Variants in MGST1 observed in about 807,000 individuals in gnomAD.
MGST1 encodes microsomal glutathione S-transferase 1.
Under a neutral mutation model 8.9 loss-of-function variants are expected in MGST1, and 5 were observed. That is an observed-to-expected ratio of 0.56 (90% CI 0.29 to 1.19). The LOEUF is 1.19. Among genes scored for constraint, MGST1 ranks in the 50% most tolerant of loss-of-function variants. MGST1 has a pLI of 0.08. For missense variants in MGST1, 182 were observed against 187.4 expected (o/e 0.97, Z 0.17); for synonymous variants, 54 against 67.8 (o/e 0.80, Z 1.00).
intron 4 of MGST1, among the ~76,000 whole-genome samples, chr12:16,536,771 C>A (rs924142607): frequency 3.9e-5 from 6 of 152,210 alleles, no homozygotes; most frequent in African/African-American, 1.4e-4. Context: ...GACCTACTCA[C>A]TACCCTGGAA....
At chr12:16,474,297 T>C (rs1208903588) in intron 4 of MGST1, among the ~76,000 whole-genome samples, 1 of 152,236 alleles carries the variant, frequency 6.6e-6, no homozygotes, top group African/African-American at 2.4e-5. Flanking sequence ...TGTTTGCAGC[T>C]TCAGATGAAG....
At chr12:16,577,407 A>G (rs1432789979) in intron 4 of MGST1, among the ~76,000 whole-genome samples, 1 of 152,146 alleles carries the variant, frequency 6.6e-6, no homozygotes, top group Admixed American at 6.5e-5. Context: ...GTTGGCAGTT[A>G]TTCTTCATTA....
intron 4 of MGST1, among the ~76,000 whole-genome samples, chr12:16,476,910 C>T (rs1412723818): frequency 6.6e-6 from 1 of 152,152 alleles, no homozygotes; most frequent in Non-Finnish European, 1.5e-5. Context: ...AGATTTGGCC[C>T]TGAAGTCAGG....
At chr12:16,350,646 G>A (rs1190704999) in intron 1 of MGST1, 1 of 151,982 alleles carries the variant, frequency 6.6e-6, no homozygotes, top group African/African-American at 2.4e-5. Flanking sequence ...AATCAGCTTT[G>A]GGGGAAAAAA....
chr12:16,591,199 C>T (rs1943486392), downstream of MGST1, among the ~76,000 whole-genome samples: 1 of 151,982 alleles, frequency 6.6e-6, no homozygotes, highest in South Asian at 2.1e-4. This position sits in a 1 kb window ranked among gnomAD's most constrained non-coding sequence, Gnocchi z 4.1. Flanking sequence ...CTCTCCCACA[C>T]CCCAGCTGCA....
chr12:16,409,317 T>C (rs908583359), intron 1 of MGST1, among the ~76,000 whole-genome samples: 4 of 151,942 alleles, frequency 2.6e-5, no homozygotes, highest in East Asian at 1.9e-4. Flanking sequence ...CATACACACA[T>C]ATCCACACAC....
intron 4 of MGST1, among the ~76,000 whole-genome samples, chr12:16,588,966 A>C (rs1479518829): frequency 2.6e-5 from 4 of 152,046 alleles, no homozygotes; most frequent in Admixed American, 2.6e-4. Flanking sequence ...TGTCACCCCT[A>C]ACTATTTTAT....
At chr12:16,573,380 T>C (rs1023647193) in intron 4 of MGST1, 5 of 152,180 alleles carry the variant, frequency 3.3e-5, no homozygotes, top group Non-Finnish European at 5.9e-5. Flanking sequence ...TGATATTCAG[T>C]GGTAACCAGC....
At chr12:16,381,878 T>A (rs1414859798), downstream of MGST1, among the ~76,000 whole-genome samples, 1 of 152,200 alleles carries the variant, frequency 6.6e-6, no homozygotes, top group African/African-American at 2.4e-5. Context: ...TCGCTTCGTT[T>A]CATTCATTTC....
downstream of MGST1, among the ~76,000 whole-genome samples, chr12:16,368,144 G>A (rs555879463): frequency 1.4e-4 from 21 of 152,224 alleles, no homozygotes; most frequent in South Asian, 3.7e-3. Flanking sequence ...CCACCTTCCC[G>A]ATCTAACATT....
In MGST1 at chr12:16,576,301, T is replaced by A. The variant is rs1258958545; in HGVS notation, n.483-13227T>A. Among the ~76,000 whole-genome samples the A allele has an allele frequency of 1.3e-5, 2 of 152,284 alleles. No individual in the cohort carries two copies. The highest frequency in any genetic ancestry group is 2.9e-5 in the Non-Finnish European group (2 of 68,034). ...TCCATCCTGTCTGTCTTCTTTTCTG[T>A]CTTCTATCCCATCACTGAGCCTCAG... On this transcript the variant is annotated intron_variant and non_coding_transcript_variant, in intron 4 of 4. Coordinates refer to the MGST1 transcript ENST00000538857. The surrounding 1 kb of genome is among the most constrained non-coding windows in gnomAD (Gnocchi z 4.1).
intron 4 of MGST1, among the ~76,000 whole-genome samples, chr12:16,506,599 G>A (rs1028546872): frequency 9.9e-5 from 15 of 152,156 alleles, no homozygotes; most frequent in African/African-American, 3.4e-4. Flanking sequence ...TCATACTACA[G>A]CCTGCATACT....
chr12:16,420,917 G>A (rs966244048), intron 1 of MGST1, among the ~76,000 whole-genome samples: 1 of 152,032 alleles, frequency 6.6e-6, no homozygotes, highest in Non-Finnish European at 1.5e-5. Flanking sequence ...TCCGGCATTC[G>A]GATTGATCTC....
chr12:16,551,130 G>A (rs2137242774), intron 4 of MGST1: 2 of 825,018 alleles, frequency 2.4e-6, no homozygotes, highest in South Asian at 1.4e-5. Context: ...ACGCTATTCA[G>A]TAGGTTCCTG....
intron 4 of MGST1, among the ~76,000 whole-genome samples, chr12:16,529,731 C>T (rs1402344189): frequency 6.6e-6 from 1 of 151,960 alleles, no homozygotes; most frequent in African/African-American, 2.4e-5. Context: ...AGTGTTTGGG[C>T]TTGTGTTATT....
chr12:16,522,994 G>A (rs561394151), intron 4 of MGST1, among the ~76,000 whole-genome samples: 3 of 151,210 alleles, frequency 2.0e-5, no homozygotes, highest in Non-Finnish European at 2.9e-5. Context: ...TAATTATCTA[G>A]AAATTAATAA....
At chr12:16,473,961 C>T (rs1346072425) in intron 4 of MGST1, among the ~76,000 whole-genome samples, 4 of 152,174 alleles carry the variant, frequency 2.6e-5, no homozygotes, top group African/African-American at 7.2e-5. Context: ...AAGTAGCACT[C>T]TTTGTCATCT....
chr12:16,393,632 G>C (rs1940572502), intron 1 of MGST1, among the ~76,000 whole-genome samples: 1 of 152,238 alleles, frequency 6.6e-6, no homozygotes, highest in Non-Finnish European at 1.5e-5. Flanking sequence ...CTCTGATCTT[G>C]AGGGACATGG....
At position 16,563,918 on chromosome 12, in the gene MGST1, C is replaced by T. The variant is rs1942493640; in HGVS notation, n.483-25610C>T. 4.6e-5 allele frequency among the ~76,000 whole-genome samples: 7 copies of T among 152,162 alleles called. No individual in the cohort carries two copies. The South Asian group carries it at 1.5e-3, about 32-fold the overall frequency. On this transcript the variant is annotated intron_variant and non_coding_transcript_variant, in intron 4 of 4. Transcript: ENST00000538857. The stretch of plus-strand genomic sequence containing the variant: ...TAAATCATGATACATGGTAATTTGC[C>T]AATTTATGGGCTAGATTTTTCCCTA...
Sources: allele counts gnomAD v4.1 joint callset (sites outside exome capture counted in the v4.1 genomes callset), GRCh38; gene constraint gnomAD v4.1.1; non-coding constraint Gnocchi (gnomAD v3.1); transcripts MANE v1.5; gene names NCBI Gene and HGNC (gene_info 2026-07-23, HGNC 2026-07-21).